The following ELP4 variants were observed in gnomAD, a reference collection of about 807,000 sequenced individuals.
ELP4 encodes elongator complex protein 4.
Under a neutral mutation model 48.9 loss-of-function variants are expected in ELP4, and 51 were observed. That is an observed-to-expected ratio of 1.04 (90% confidence interval 0.83 to 1.32). The LOEUF is 1.32. Ranked by LOEUF, ELP4 falls within the 40% of genes most tolerant of loss-of-function variation. The pLI is 0.00. For synonymous variants in ELP4, 210 were observed against 189.2 expected, an observed-to-expected ratio of 1.11 and a Z score of -0.90; for missense variants, 519 against 514.6, an observed-to-expected ratio of 1.01 and a Z score of -0.08.
intron 2 of ELP4, among the ~76,000 whole-genome samples, chr11:31,533,368 CTTTTTTTT>C (rs71060492): frequency 2.0e-4 from 10 of 50,474 alleles, no homozygotes; most frequent in South Asian, 2.8e-3. Context: ...CCATCTCATT[CTTTTTTTT>C]TTTTTTTTTT....
At chr11:31,696,554 C>A (rs1158505334) in intron 9 of ELP4, among the ~76,000 whole-genome samples, 1 of 152,066 alleles carries the variant, frequency 6.6e-6, no homozygotes, top group Admixed American at 6.6e-5. Flanking sequence ...AATTTCTGTT[C>A]TTTTACATTT....
At chr11:31,618,079 A>G (rs1231817115) in intron 5 of ELP4, among the ~76,000 whole-genome samples, 2 of 152,094 alleles carry the variant, frequency 1.3e-5, no homozygotes, top group Admixed American at 6.6e-5. Context: ...GAAACAACCC[A>G]GATGTCCCTC....
chr11:31,746,333 T>C (rs1460773822), intron 9 of ELP4, among the ~76,000 whole-genome samples: 2 of 152,230 alleles, frequency 1.3e-5, no homozygotes, highest in Admixed American at 6.5e-5. Context: ...AGTGTGGTGA[T>C]TCCTCACGGA....
chr11:31,732,347 G>A (rs1458018407), intron 9 of ELP4, among the ~76,000 whole-genome samples: 1 of 151,760 alleles, frequency 6.6e-6, no homozygotes, highest in Non-Finnish European at 1.5e-5. Flanking sequence ...AAGTTAAGTT[G>A]TTATCAGCTT....
chr11:31,518,395 T>A (rs902691845), intron 1 of ELP4, among the ~76,000 whole-genome samples: 1 of 152,132 alleles, frequency 6.6e-6, no homozygotes, highest in Non-Finnish European at 1.5e-5. Flanking sequence ...CGTGTGCAAC[T>A]GCACCTAGCC....
intron 9 of ELP4, among the ~76,000 whole-genome samples, chr11:31,734,307 C>A (rs1565131799): frequency 6.6e-6 from 1 of 152,186 alleles, no homozygotes; most frequent in Non-Finnish European, 1.5e-5. Context: ...AGGAACAAGG[C>A]AAGGATGCCC....
intron 1 of ELP4, 124 bp downstream of exon 1, chr11:31,510,131 C>A: frequency 1.1e-6 from 1 of 872,594 alleles, no homozygotes; most frequent in Non-Finnish European, 1.8e-6. Flanking sequence ...GAGAGAATAG[C>A]CTGGTCTGAT....
chr11:31,577,536 A>T (rs984771404), intron 3 of ELP4, among the ~76,000 whole-genome samples: 1 of 152,082 alleles, frequency 6.6e-6, no homozygotes, highest in Non-Finnish European at 1.5e-5. Flanking sequence ...ATCTATGCAG[A>T]AATCCTCAAT....
At chr11:31,634,353 T>A (rs1212504808) in intron 7 of ELP4, 1 of 151,868 alleles carries the variant, frequency 6.6e-6, no homozygotes, top group Non-Finnish European at 1.5e-5. Context: ...AGAAAAAAGA[T>A]GAAAATATGC....
rs140425591 is a variant in ELP4 at position 31,588,843 on chromosome 11, C to T, written c.382-5927C>T. 5.7e-3 allele frequency among the ~76,000 whole-genome samples: 861 copies of T among 152,104 alleles called. 11 individuals carry two copies. Among genetic ancestry groups the T allele is most frequent in the African/African-American group, 0.02 (829 of 41,508 alleles). Reference sequence around the variant, plus strand: ...ACTAAAAATGTAAAAATTAGCTGGGCGTGGTGGCGCACACCAGTCATCCCA... The same window carrying T: ...ACTAAAAATGTAAAAATTAGCTGGGTGTGGTGGCGCACACCAGTCATCCCA... On this transcript the variant is annotated intron_variant, in intron 3 of 9. Coordinates refer to ENST00000640961, the MANE Select transcript of ELP4 (RefSeq NM_019040.5).
At chr11:31,662,243 T>C (rs1328456672) in intron 9 of ELP4, among the ~76,000 whole-genome samples, 1 of 152,130 alleles carries the variant, frequency 6.6e-6, no homozygotes, top group African/African-American at 2.4e-5. Context: ...GGAAATGTGA[T>C]GTAGTCTTAA....
At chr11:31,664,448 G>C (rs752606343) in intron 9 of ELP4, 3 of 152,098 alleles carry the variant, frequency 2.0e-5, no homozygotes, top group Admixed American at 6.6e-5. Context: ...ATTTGGTTGG[G>C]GGGGGAGTCT....
chr11:31,679,838 T>C (rs1414153080), intron 9 of ELP4, among the ~76,000 whole-genome samples: 1 of 152,206 alleles, frequency 6.6e-6, no homozygotes. Flanking sequence ...GGATTTTTAT[T>C]TGGATTACGT....
intron 3 of ELP4, among the ~76,000 whole-genome samples, chr11:31,545,259 C>G (rs1046825648): frequency 2.6e-5 from 4 of 152,098 alleles, no homozygotes. Context: ...GAATGTATAA[C>G]TAGAATAACC....
intron 3 of ELP4, among the ~76,000 whole-genome samples, chr11:31,550,365 A>C (rs1956827627): frequency 6.6e-6 from 1 of 152,128 alleles, no homozygotes; most frequent in Non-Finnish European, 1.5e-5. Flanking sequence ...ATGGTTTCCA[A>C]AGTATATATG....
intron 5 of ELP4, among the ~76,000 whole-genome samples, chr11:31,618,066 G>T (rs974734116): frequency 6.6e-6 from 1 of 151,910 alleles, no homozygotes; most frequent in Non-Finnish European, 1.5e-5. Flanking sequence ...TAGCTCACAA[G>T]TGGAAACAAC....
intron 3 of ELP4, among the ~76,000 whole-genome samples, chr11:31,581,093 A>G (rs890961022): frequency 2.6e-5 from 4 of 152,112 alleles, no homozygotes; most frequent in Non-Finnish European, 4.4e-5. Context: ...TCATCTCAAA[A>G]CTTTCCACTA....
intron 3 of ELP4, among the ~76,000 whole-genome samples, chr11:31,541,046 G>A (rs1956582795): frequency 6.6e-6 from 1 of 152,122 alleles, no homozygotes; most frequent in Admixed American, 6.5e-5. Flanking sequence ...ATAATCTAAA[G>A]TCATTTTTCC....
intron 9 of ELP4, among the ~76,000 whole-genome samples, chr11:31,716,560 A>G (rs571872843): frequency 6.6e-6 from 1 of 152,316 alleles, no homozygotes; most frequent in South Asian, 2.1e-4. Context: ...AATATCAAGG[A>G]ATACTGTGTG....
Sources: allele counts gnomAD v4.1 joint callset (sites outside exome capture counted in the v4.1 genomes callset), GRCh38; gene constraint gnomAD v4.1.1; transcripts MANE v1.5; gene names NCBI Gene and HGNC (gene_info 2026-07-23, HGNC 2026-07-21).